CTNNBIP1: variants seen among roughly 807,000 people sequenced by gnomAD.
The protein encoded by CTNNBIP1 is catenin beta interacting protein 1.
CTNNBIP1 carries 7 observed loss-of-function variants against 11.8 expected under a neutral mutation model. That is an observed-to-expected ratio of 0.60 (90% CI 0.34 to 1.12). The LOEUF (loss-of-function observed/expected upper bound fraction) is 1.12. CTNNBIP1 is among the 50% of genes most tolerant of loss of function. The pLI is 0.03. For synonymous variants in CTNNBIP1, 58 were observed against 43.9 expected, an observed-to-expected ratio of 1.32 and a Z score of -1.26; for missense variants, 101 against 113.4, an observed-to-expected ratio of 0.89 and a Z score of 0.50.
chr1:9,892,499 G>A (rs1198745669), intron 1 of CTNNBIP1, among the ~76,000 whole-genome samples: 1 of 151,502 alleles, frequency 6.6e-6, no homozygotes, highest in Non-Finnish European at 1.5e-5. Context: ...AGGCTGAGGT[G>A]GGAGGATCCC....
chr1:9,895,558 C>G (rs918224885), intron 1 of CTNNBIP1, among the ~76,000 whole-genome samples: 2 of 151,550 alleles, frequency 1.3e-5, no homozygotes, highest in African/African-American at 4.9e-5. Context: ...TGCAGTGGCA[C>G]GATCTCGGCT....
intron 1 of CTNNBIP1, among the ~76,000 whole-genome samples, chr1:9,887,824 AAATT>A (rs761329031): frequency 3.3e-5 from 5 of 152,150 alleles, no homozygotes; most frequent in Non-Finnish European, 5.9e-5. Flanking sequence ...ATACCAATAG[AAATT>A]AATTAATTAT....
intron 1 of CTNNBIP1, among the ~76,000 whole-genome samples, chr1:9,894,114 A>G (rs1639362555): frequency 6.6e-6 from 1 of 152,114 alleles, no homozygotes; most frequent in Non-Finnish European, 1.5e-5. Context: ...GAGCTAAAAG[A>G]ACAGTACAAG....
At chr1:9,874,467 TG>T (rs879287940) in intron 3 of CTNNBIP1, among the ~76,000 whole-genome samples, 6 of 152,206 alleles carry the variant, frequency 3.9e-5, no homozygotes, top group Non-Finnish European at 7.3e-5. Context: ...ACAGCCAGGT[TG>T]GTCTCAAATT....
chr1:9,909,215 T>G (rs571307302), intron 1 of CTNNBIP1, among the ~76,000 whole-genome samples: 98 of 152,282 alleles, frequency 6.4e-4, no homozygotes, highest in Non-Finnish European at 1.2e-3. Context: ...TACCCAGCAG[T>G]TGGCCAGACA....
intron 5 of CTNNBIP1, among the ~76,000 whole-genome samples, chr1:9,865,867 C>T (rs2101466098): frequency 6.6e-6 from 1 of 152,294 alleles, no homozygotes; most frequent in Non-Finnish European, 1.5e-5. Flanking sequence ...GGGAGCCACA[C>T]TGACCATGAG....
rs537273881 is a variant in CTNNBIP1, at chr1:9,854,386, A to C, written c.188-3610T>G. ...TCCATCTCAAAAAAAAAAAAAAAAA[A>C]CCCACTCAACAAACTAGAAGAGAAC... On this transcript the variant is annotated intron_variant, in intron 5 of 5. Coordinates refer to ENST00000377263, the MANE Select transcript of CTNNBIP1 (RefSeq NM_020248.3). Among the ~76,000 whole-genome samples, 260 of 147,746 alleles carry C rather than the reference A, an allele frequency of 1.8e-3. 1 individual carries two copies. Among genetic ancestry groups the C allele is most frequent in the African/African-American group, 6.3e-3 (241 of 38,512 alleles).
At chr1:9,870,363 G>T (rs142061825) in intron 5 of CTNNBIP1, among the ~76,000 whole-genome samples, 2 of 152,336 alleles carry the variant, frequency 1.3e-5, no homozygotes, top group Middle Eastern at 3.4e-3. Context: ...GCCTTCTAGA[G>T]AAGGAGAACC....
chr1:9,906,755 A>T, intron 1 of CTNNBIP1, among the ~76,000 whole-genome samples: 1 of 152,216 alleles, frequency 6.6e-6, no homozygotes, highest in Admixed American at 6.5e-5. Flanking sequence ...CTGGATGAGG[A>T]GTCTACAAGA....
intron 1 of CTNNBIP1, among the ~76,000 whole-genome samples, chr1:9,897,329 C>G (rs970987235): frequency 6.6e-6 from 1 of 152,160 alleles, no homozygotes; most frequent in Non-Finnish European, 1.5e-5. Context: ...TGGCGGGTGC[C>G]TGTAGTCCCA....
intron 3 of CTNNBIP1, among the ~76,000 whole-genome samples, chr1:9,876,013 T>A (rs983580243): frequency 7.9e-5 from 12 of 152,244 alleles, no homozygotes; most frequent in African/African-American, 2.9e-4. Flanking sequence ...ATTATATTTT[T>A]ATCACAATTC....
At chr1:9,886,395 C>A (rs1045324685) in intron 1 of CTNNBIP1, among the ~76,000 whole-genome samples, 1 of 143,872 alleles carries the variant, frequency 7.0e-6, no homozygotes, top group African/African-American at 2.9e-5. Context: ...ACAATCGAAT[C>A]GAATATATCT....
intron 1 of CTNNBIP1, among the ~76,000 whole-genome samples, chr1:9,887,911 G>A (rs879839411): frequency 1.2e-4 from 18 of 151,716 alleles, no homozygotes; most frequent in Admixed American, 9.8e-4. Flanking sequence ...TGCAACCTCC[G>A]CCTCCCGGGT....
At chr1:9,861,041 C>T (rs1054115130) in intron 5 of CTNNBIP1, among the ~76,000 whole-genome samples, 25 of 152,218 alleles carry the variant, frequency 1.6e-4, no homozygotes, top group Non-Finnish European at 3.2e-4. Context: ...ACACACATGG[C>T]AGACCAGGCT....
In CTNNBIP1 at chr1:9,855,191, C is replaced by T. The variant is rs191823147; in HGVS notation, c.188-4415G>A. On this transcript the variant is annotated intron_variant, in intron 5 of 5. Coordinates refer to ENST00000377263, the MANE Select transcript of CTNNBIP1 (RefSeq NM_020248.3). Reference sequence around the variant, plus strand: ...ATGCTTTGAATAGTACACAACATTACTGAATAAAATTCAATACATGATCTC... The same window carrying T: ...ATGCTTTGAATAGTACACAACATTATTGAATAAAATTCAATACATGATCTC... Among the ~76,000 whole-genome samples, 206 of 150,820 alleles carry T rather than the reference C, an allele frequency of 1.4e-3. 1 individual carries two copies. The highest frequency in any genetic ancestry group is 4.9e-3 in the African/African-American group (200 of 41,034).
At chr1:9,880,808 G>C (rs537324017) in intron 2 of CTNNBIP1, among the ~76,000 whole-genome samples, 2 of 152,170 alleles carry the variant, frequency 1.3e-5, no homozygotes, top group East Asian at 3.8e-4. Context: ...TTTCAGTTCT[G>C]CTCTGTCACT....
chr1:9,894,164 A>G (rs761564319), intron 1 of CTNNBIP1, among the ~76,000 whole-genome samples: 22 of 152,122 alleles, frequency 1.4e-4, no homozygotes, highest in African/African-American at 4.8e-4. Context: ...CACTGTTCAC[A>G]TTTTGCTATA....
chr1:9,880,449 G>A (rs1421162887), intron 2 of CTNNBIP1, among the ~76,000 whole-genome samples: 1 of 152,196 alleles, frequency 6.6e-6, no homozygotes, highest in African/African-American at 2.4e-5. Flanking sequence ...AAGTGTGCAT[G>A]TGTCTTTATA....
intron 1 of CTNNBIP1, among the ~76,000 whole-genome samples, chr1:9,903,957 CACTTT>C (rs1333332877): frequency 2.0e-5 from 3 of 152,194 alleles, no homozygotes; most frequent in South Asian, 4.1e-4. Context: ...CGACCTCAAA[CACTTT>C]ACTTAACTTT....
Sources: allele counts gnomAD v4.1 joint callset (sites outside exome capture counted in the v4.1 genomes callset), GRCh38; gene constraint gnomAD v4.1.1; transcripts MANE v1.5; gene names NCBI Gene and HGNC (gene_info 2026-07-23, HGNC 2026-07-21).